The following GPHN variants were observed in gnomAD, a reference collection of about 807,000 sequenced individuals.
GPHN encodes the protein gephyrin.
In GPHN, 17 loss-of-function variants were observed where a neutral mutation model predicts 95.5. That is an observed-to-expected ratio of 0.18 (90% CI 0.12 to 0.27). The LOEUF (loss-of-function observed/expected upper bound fraction) is 0.27, where lower values mean the gene tolerates loss of function less well. Among genes scored for constraint, GPHN ranks in the 10% least tolerant of loss-of-function variants. GPHN has a pLI of 1.00. For missense variants in GPHN, 660 were observed against 978.1 expected, an observed-to-expected ratio of 0.67 and a Z score of 4.34; for synonymous variants, 320 against 322.5, an observed-to-expected ratio of 0.99 and a Z score of 0.08.
the GPHN span, among the ~76,000 whole-genome samples, chr14:67,222,589 G>T: frequency 6.6e-6 from 1 of 152,040 alleles, no homozygotes; most frequent in African/African-American, 2.4e-5. Context: ...TTAATGTTTG[G>T]GTTTTATTTG....
the GPHN span, among the ~76,000 whole-genome samples, chr14:67,635,533 A>G: frequency 6.6e-6 from 1 of 152,212 alleles, no homozygotes; most frequent in East Asian, 1.9e-4. Context: ...GCTTGTTCTA[A>G]GAATTAGCAG....
chr14:67,327,527 A>T, the GPHN span, among the ~76,000 whole-genome samples: 2 of 151,776 alleles, frequency 1.3e-5, no homozygotes, highest in African/African-American at 4.8e-5. Flanking sequence ...TCTAGGGTAC[A>T]TGTGCACAAC....
chr14:67,095,839 T>C (rs1411973858), intron 12 of GPHN, among the ~76,000 whole-genome samples: 3 of 151,152 alleles, frequency 2.0e-5, no homozygotes, highest in Non-Finnish European at 4.4e-5. Flanking sequence ...AAATGACAAG[T>C]TAATGGGTGC....
Position 66,876,604 on chromosome 14 carries a change from A to G in GPHN, c.295-3335A>G, listed in dbSNP as rs548758391. ...CCAAAATACAAACTACCATCAGTGAATACTATAAATACCTCTATGCAAATA... is the reference window on the plus strand; with the variant it reads ...CCAAAATACAAACTACCATCAGTGAGTACTATAAATACCTCTATGCAAATA... On this transcript the variant is annotated intron_variant, in intron 4 of 22. Coordinates refer to ENST00000478722, the MANE Select transcript of GPHN (RefSeq NM_020806.5). Among the ~76,000 whole-genome samples the G allele has an allele frequency of 2.6e-5, 4 of 152,348 alleles. No individual in the cohort carries two copies. In the East Asian group the frequency reaches 5.8e-4, roughly 22 times the overall value.
At chr14:66,861,633 A>G (rs2063027942) in intron 4 of GPHN, among the ~76,000 whole-genome samples, 1 of 152,150 alleles carries the variant, frequency 6.6e-6, no homozygotes, top group African/African-American at 2.4e-5. Flanking sequence ...AAAAATTGAA[A>G]TGATAGCAAG....
chr14:66,929,446 T>A (rs2066662467), intron 8 of GPHN, among the ~76,000 whole-genome samples: 1 of 152,208 alleles, frequency 6.6e-6, no homozygotes, highest in Admixed American at 6.5e-5. Context: ...TGTCTCTCTC[T>A]TTAGTTCTAA....
chr14:66,822,079 G>A (rs748890166), intron 3 of GPHN, among the ~76,000 whole-genome samples: 1 of 152,084 alleles, frequency 6.6e-6, no homozygotes, highest in African/African-American at 2.4e-5. Context: ...AGCCTCCCGA[G>A]TAGCTGGGAT....
intron 10 of GPHN, among the ~76,000 whole-genome samples, chr14:67,044,738 TTCCTCCTCC>T (rs3036765): frequency 6.6e-6 from 1 of 150,754 alleles, no homozygotes; most frequent in South Asian, 2.1e-4. Context: ...GAGTACCCCC[TTCCTCCTCC>T]TCCTCCTCCT....
the GPHN span, chr14:67,279,489 G>A: frequency 8.2e-6 from 13 of 1,583,522 alleles, no homozygotes; most frequent in Non-Finnish European, 1.1e-5. Flanking sequence ...GTTTGATACA[G>A]AGGAAGGAAT....
the GPHN span, among the ~76,000 whole-genome samples, chr14:67,510,029 A>G: frequency 1.3e-5 from 2 of 151,278 alleles, no homozygotes; most frequent in East Asian, 1.9e-4. Context: ...TTTTTTATTA[A>G]AAAAAAAAAG....
At chr14:67,050,519 T>G (rs749631787) in intron 10 of GPHN, among the ~76,000 whole-genome samples, 9 of 151,926 alleles carry the variant, frequency 5.9e-5, no homozygotes, top group Admixed American at 1.3e-4. Context: ...CTAGCAGAGG[T>G]AAGGCAAATA....
At chr14:66,590,827 C>G (rs1394343028) in intron 1 of GPHN, among the ~76,000 whole-genome samples, 2 of 152,010 alleles carry the variant, frequency 1.3e-5, no homozygotes, top group Non-Finnish European at 2.9e-5. Context: ...ATCCTGATAC[C>G]AAAACTTGGC....
the GPHN span, among the ~76,000 whole-genome samples, chr14:67,431,817 C>T: frequency 1.3e-5 from 2 of 152,148 alleles, no homozygotes; most frequent in African/African-American, 2.4e-5. Flanking sequence ...CAGAGGTTTC[C>T]GCAGGGGGCA....
intron 8 of GPHN, among the ~76,000 whole-genome samples, chr14:66,961,466 G>T (rs2068892678): frequency 6.6e-6 from 1 of 151,696 alleles, no homozygotes; most frequent in Admixed American, 6.6e-5. Flanking sequence ...GATAAAGTAA[G>T]GTAAAAGACA....
the GPHN span, among the ~76,000 whole-genome samples, chr14:67,193,375 A>G: frequency 7.4e-6 from 1 of 134,466 alleles, no homozygotes; most frequent in East Asian, 2.2e-4. Context: ...CTATCTATAT[A>G]TCTAGATATA....
chr14:66,589,715 C>T (rs554901566), intron 1 of GPHN, among the ~76,000 whole-genome samples: 2 of 152,212 alleles, frequency 1.3e-5, no homozygotes, highest in South Asian at 2.1e-4. Context: ...GACTTAGACT[C>T]CCACACAATA....
intron 3 of GPHN, among the ~76,000 whole-genome samples, chr14:66,820,714 C>T (rs973377393): frequency 5.9e-5 from 9 of 152,116 alleles, no homozygotes; most frequent in African/African-American, 2.2e-4. Context: ...TTAGGAGCCT[C>T]AAAATGGAGA....
At chr14:66,788,038 A>C (rs1252648648) in intron 3 of GPHN, among the ~76,000 whole-genome samples, 1 of 152,210 alleles carries the variant, frequency 6.6e-6, no homozygotes, top group Non-Finnish European at 1.5e-5. Context: ...GAATGAAAAC[A>C]AAAACTGCAG....
At chr14:67,425,418 C>T in the GPHN span, among the ~76,000 whole-genome samples, 2 of 151,824 alleles carry the variant, frequency 1.3e-5, no homozygotes, top group Non-Finnish European at 2.9e-5. Flanking sequence ...TGGCACACGC[C>T]TATAGTCCCA....
Sources: allele counts gnomAD v4.1 joint callset (sites outside exome capture counted in the v4.1 genomes callset), GRCh38; gene constraint gnomAD v4.1.1; transcripts MANE v1.5; gene names NCBI Gene and HGNC (gene_info 2026-07-23, HGNC 2026-07-21).